Variants in KHDRBS3 observed in about 807,000 individuals in gnomAD.
The protein encoded by KHDRBS3 is KH RNA binding domain containing, signal transduction associated 3, also known as KH domain-containing, RNA-binding, signal transduction-associated protein 3.
A neutral mutation model predicts 45.6 loss-of-function variants in KHDRBS3; 23 were observed. The ratio of observed to expected loss-of-function variants is 0.50; its 90% CI spans 0.36 to 0.72. The LOEUF (loss-of-function observed/expected upper bound fraction) is 0.72. KHDRBS3 is among the 30% of genes least tolerant of loss of function. The probability of loss-of-function intolerance (pLI) is 0.00; values close to 1 mark genes in which losing one functional copy is unlikely to be tolerated. For missense variants in KHDRBS3, 352 were observed against 424.8 expected, an observed-to-expected ratio of 0.83 and a Z score of 1.51; for synonymous variants, 162 against 156.5, an observed-to-expected ratio of 1.04 and a Z score of -0.26.
chr8:135,490,128 T>C (rs1415824276), intron 1 of KHDRBS3, among the ~76,000 whole-genome samples: 1 of 152,160 alleles, frequency 6.6e-6, no homozygotes, highest in Non-Finnish European at 1.5e-5. Context: ...TGTAGTGGAC[T>C]GTACCCCTAG....
At chr8:135,511,120 T>G (rs533966354) in intron 1 of KHDRBS3, among the ~76,000 whole-genome samples, 3 of 152,336 alleles carry the variant, frequency 2.0e-5, no homozygotes, top group East Asian at 3.9e-4. Flanking sequence ...ACAGTAATAC[T>G]AAGAAAGTAG....
downstream of KHDRBS3, among the ~76,000 whole-genome samples, chr8:135,649,817 T>C (rs1030524641): frequency 1.3e-5 from 2 of 152,144 alleles, no homozygotes; most frequent in African/African-American, 2.4e-5. Flanking sequence ...TACTGTACAA[T>C]TTTATGTTTA....
rs76033393 is a variant in KHDRBS3 at position 135,548,048 on chromosome 8, A to G, written c.325-706A>G. ...TAAAGTCTTTCATTTTGTTTTATTC[A>G]CTGTTTTATTCTCAGATAGAATATA... On this transcript the variant is annotated intron_variant, in intron 3 of 8. Coordinates refer to ENST00000355849, the MANE Select transcript of KHDRBS3 (RefSeq NM_006558.3). 4.2e-3 allele frequency among the ~76,000 whole-genome samples: 636 copies of G among 152,302 alleles called. 11 individuals are homozygous for G. Among genetic ancestry groups the G allele is most frequent in the African/African-American group, 0.014 (578 of 41,576 alleles).
chr8:135,549,134 G>A (rs1183510030), intron 4 of KHDRBS3: 1 of 320,524 alleles, frequency 3.1e-6, no homozygotes, highest in East Asian at 4.8e-5. Flanking sequence ...AGGTTACATG[G>A]CTAAAAAACT....
At chr8:135,574,157 C>A (rs1296388561) in intron 5 of KHDRBS3, among the ~76,000 whole-genome samples, 1 of 97,588 alleles carries the variant, frequency 1.0e-5, no homozygotes, top group African/African-American at 3.8e-5. Context: ...TAGCACGTCA[C>A]CTCCATCATG....
intron 1 of KHDRBS3, among the ~76,000 whole-genome samples, chr8:135,470,453 A>C (rs938988294): frequency 6.6e-6 from 1 of 151,990 alleles, no homozygotes; most frequent in East Asian, 1.9e-4. Context: ...CCTGTGTTAC[A>C]CGGTTTCTAA....
chr8:135,560,707 A>G (rs1223312877), intron 5 of KHDRBS3, among the ~76,000 whole-genome samples: 4 of 152,210 alleles, frequency 2.6e-5, no homozygotes, highest in Admixed American at 2.6e-4. Context: ...ATTACAGCAT[A>G]TGCATTGCTT....
chr8:135,512,437 G>GGT (rs895045193), intron 1 of KHDRBS3, among the ~76,000 whole-genome samples: 3 of 128,380 alleles, frequency 2.3e-5, no homozygotes, highest in South Asian at 2.9e-4. Context: ...GTCGGGGGGG[G>GGT]GGTAATAACT....
intron 1 of KHDRBS3, among the ~76,000 whole-genome samples, chr8:135,504,278 G>A (rs1484310661): frequency 6.6e-6 from 1 of 152,200 alleles, no homozygotes; most frequent in Non-Finnish European, 1.5e-5. Context: ...AGGTTAATAT[G>A]CTGTTCTGGG....
At chr8:135,545,872 T>C (rs1283088717) in intron 3 of KHDRBS3, among the ~76,000 whole-genome samples, 3 of 152,190 alleles carry the variant, frequency 2.0e-5, no homozygotes, top group Non-Finnish European at 2.9e-5. Context: ...TCATGGTGGC[T>C]CATGCCTGTA....
Position 135,581,911 on chromosome 8 carries a change from A to G in KHDRBS3, c.645A>G (p.Gly215=). ...GRGGVTARPV[G]VVVPRGTPTP... ...GAGGAGTTACAGCCCGGCCAGTTGG[A>G]GTTGTAGTACCACGAGGGACGCCAA... is the stretch of plus-strand genomic sequence containing the variant. The change falls in exon 6 of 9, where the codon GGA becomes GGG. Residue 215 remains glycine (G), a synonymous_variant. Transcript: ENST00000355849. The G allele has an allele frequency of 3.7e-6, 6 of 1,607,510 alleles. No homozygotes were observed. The highest frequency in any genetic ancestry group is 5.1e-6 in the Non-Finnish European group (6 of 1,175,706).
chr8:135,645,635 C>G (rs996043344), intron 8 of KHDRBS3, among the ~76,000 whole-genome samples: 1 of 152,210 alleles, frequency 6.6e-6, no homozygotes, highest in Non-Finnish European at 1.5e-5. Context: ...TTACAAAGGG[C>G]AGCAGCTAAA....
At chr8:135,495,421 A>G (rs1025443109) in intron 1 of KHDRBS3, among the ~76,000 whole-genome samples, 3 of 152,220 alleles carry the variant, frequency 2.0e-5, no homozygotes, top group African/African-American at 7.2e-5. Flanking sequence ...AGGCTTTTAA[A>G]TGCAAGCAGT....
At chr8:135,546,907 A>G (rs1563758867) in intron 3 of KHDRBS3, among the ~76,000 whole-genome samples, 2 of 152,204 alleles carry the variant, frequency 1.3e-5, no homozygotes, top group African/African-American at 4.8e-5. Context: ...TACAGCTATG[A>G]TAAGAAATCC....
At chr8:135,513,098 G>T (rs1007314527) in intron 1 of KHDRBS3, among the ~76,000 whole-genome samples, 7 of 152,238 alleles carry the variant, frequency 4.6e-5, no homozygotes, top group Admixed American at 2.0e-4. Context: ...TACTCAGGAG[G>T]CTGAGGCAGG....
At chr8:135,481,575 A>G (rs947061433) in intron 1 of KHDRBS3, among the ~76,000 whole-genome samples, 2 of 152,202 alleles carry the variant, frequency 1.3e-5, no homozygotes. Context: ...TTTATTCAGT[A>G]AATTCTGCAG....
intron 2 of KHDRBS3, among the ~76,000 whole-genome samples, chr8:135,526,651 T>C (rs1825204318): frequency 6.6e-6 from 1 of 152,194 alleles, no homozygotes; most frequent in Admixed American, 6.5e-5. Flanking sequence ...ATGCTGATGG[T>C]ACACTTCCAG....
At chr8:135,655,446 C>CA (rs1423359639) in intron 4 of KHDRBS3, among the ~76,000 whole-genome samples, 1 of 152,144 alleles carries the variant, frequency 6.6e-6, no homozygotes, top group Non-Finnish European at 1.5e-5. Flanking sequence ...TAAGCTAATA[C>CA]AGGTGGGAGA....
rs62525186 is a variant in KHDRBS3, at chr8:135,542,890, A to T, written c.324+120A>T. The stretch of plus-strand genomic sequence containing the variant: ...GATGTATTTGTGATACTGTTTAGAA[A>T]ATTGAGTCACTCTGGTCAGCTTCAG... On this transcript the variant is annotated intron_variant, in intron 3 of 8. Coordinates refer to ENST00000355849, the MANE Select transcript of KHDRBS3 (RefSeq NM_006558.3). 753 of 689,014 alleles carry T rather than the reference A, an allele frequency of 1.1e-3. 1 individual carries two copies. Among genetic ancestry groups the T allele is most frequent in the South Asian group, 1.4e-3 (63 of 45,788 alleles). 42.7% of individuals were successfully genotyped at this position (689,014 alleles called of 1,614,324 possible). A position where few individuals can be genotyped will look rare whatever the true frequency, so the allele number is the denominator to read the frequency against.
Sources: allele counts gnomAD v4.1 joint callset (sites outside exome capture counted in the v4.1 genomes callset), GRCh38; gene constraint gnomAD v4.1.1; transcripts MANE v1.5; gene names NCBI Gene and HGNC (gene_info 2026-07-23, HGNC 2026-07-21).